The following KLHL15 variants were observed in gnomAD, a reference collection of about 807,000 sequenced individuals.
The protein encoded by KLHL15 is kelch like family member 15, also known as kelch-like protein 15.
In KLHL15, 1 loss-of-function variant was observed where a neutral mutation model predicts 29.3. That is an observed-to-expected ratio of 0.03 (90% CI 0.01 to 0.16). KLHL15 has a LOEUF of 0.16. KLHL15 is among the 10% of genes least tolerant of loss of function. The pLI is 1.00. For synonymous variants in KLHL15, 212 were observed against 184.5 expected, an observed-to-expected ratio of 1.15 and a Z score of -1.21; for missense variants, 215 against 478.5, an observed-to-expected ratio of 0.45 and a Z score of 5.14.
At chrX:23,991,516 A>G (rs1489937432) in intron 3 of KLHL15, among the ~76,000 whole-genome samples, 1 of 109,521 alleles carries the variant, frequency 9.1e-6, no homozygotes, top group Non-Finnish European at 1.9e-5. Context: ...CGAAACTCTT[A>G]TCTCCAAAAA....
chrX:24,018,774 G>A (rs1216532709), intron 2 of KLHL15, among the ~76,000 whole-genome samples: 1 of 111,215 alleles, frequency 9.0e-6, no homozygotes, highest in Non-Finnish European at 1.9e-5. Context: ...GGTAGAGGTG[G>A]GCTGATCACT....
At chrX:24,010,925 T>A (rs1391387381) in intron 2 of KLHL15, among the ~76,000 whole-genome samples, 2 of 110,753 alleles carry the variant, frequency 1.8e-5, no homozygotes, top group African/African-American at 6.6e-5. Flanking sequence ...GTGTTAGGTA[T>A]GGAGATGAGT....
chrX:23,986,138 C>A lies in KLHL15; in HGVS notation c.*1783G>T, dbSNP rs958020849. The A allele has an allele frequency of 9.1e-6, 1 of 110,033 alleles. No individual in the cohort carries two copies. The highest frequency in any genetic ancestry group is 1.9e-5 in the Non-Finnish European group (1 of 52,645). The allele number at this position is 110,033 out of a possible 1,213,427, so 9.1% of individuals were successfully genotyped here. A position where few individuals can be genotyped will look rare whatever the true frequency, so the allele number is the denominator to read the frequency against. ...TACTTATGTACCTGGTTTCTTAAAC[C>A]CAAATGCCTCCAATTCTGGAGTTTG... On this transcript the variant is annotated 3_prime_UTR_variant, in exon 4 of 4. Transcript: ENST00000328046.
At chrX:23,999,909 G>T (rs1306064929) in intron 3 of KLHL15, among the ~76,000 whole-genome samples, 3 of 112,097 alleles carry the variant, frequency 2.7e-5, no homozygotes, top group Non-Finnish European at 5.6e-5. Context: ...AAGTCCATGG[G>T]GTTGGGGAGG....
Position 23,985,398 on chromosome X carries a change from C to T in KLHL15, c.*2523G>A, listed in dbSNP as rs552037394. 2.7e-5 allele frequency: 3 copies of T among 111,003 alleles called. No homozygotes were observed. The highest frequency in any genetic ancestry group is 9.8e-5 in the African/African-American group (3 of 30,657). The allele number at this position is 111,003 out of a possible 1,213,427, so 9.1% of individuals were successfully genotyped here. On this transcript the variant is annotated 3_prime_UTR_variant, in exon 4 of 4. Coordinates refer to ENST00000328046, the MANE Select transcript of KLHL15 (RefSeq NM_030624.3). ...AATAAATCTCTTGCAGCAATAAAAC[C>T]ATAATTTTAAAAGGGAATGTAAGTT...
At position 23,988,669 on chromosome X, in the gene KLHL15, T is replaced by C; in HGVS notation, c.1067A>G (p.Gln356Arg). 8.3e-7 allele frequency: 1 copy of C among 1,211,795 alleles called. No individual in the cohort carries two copies. Among genetic ancestry groups the C allele is most frequent in the Non-Finnish European group, 1.1e-6 (1 of 895,571 alleles). Residue 356 changes from glutamine (Q) to arginine (R), a missense_variant, in exon 4 of 4, where the codon CAG becomes CGG. By Grantham distance (43) the Gln-to-Arg change is conservative. Coordinates refer to ENST00000328046, the MANE Select transcript of KLHL15 (RefSeq NM_030624.3). Reference sequence around the variant, plus strand: ...ATCTGCCATCTGCAGCCAGGAGTTCTGTCTCGGGTCATACCTGAATACTTT... The same window carrying C: ...ATCTGCCATCTGCAGCCAGGAGTTCCGTCTCGGGTCATACCTGAATACTTT... ...SSKVFRYDPRQNSWLQMADMS... is the reference protein window; with the variant it reads ...SSKVFRYDPRRNSWLQMADMS...
intron 3 of KLHL15, among the ~76,000 whole-genome samples, chrX:24,000,961 A>C (rs752711746): frequency 1.8e-5 from 2 of 112,501 alleles, no homozygotes; most frequent in East Asian, 5.6e-4. Flanking sequence ...ACATTTAAAA[A>C]TGTACCTCAA....
intron 1 of KLHL15, among the ~76,000 whole-genome samples, 198 bp from the exon 2 acceptor site, chrX:24,025,256 G>A (rs1288868963): frequency 9.0e-6 from 1 of 110,763 alleles, no homozygotes; most frequent in African/African-American, 3.3e-5. Context: ...AGCACCAGCC[G>A]AGGAAGCGTC....
intron 2 of KLHL15, among the ~76,000 whole-genome samples, chrX:24,008,877 A>AAAAC (rs200962315): frequency 3.1e-4 from 32 of 102,640 alleles, no homozygotes; most frequent in Middle Eastern, 4.5e-3. Flanking sequence ...GTTAGAAAAA[A>AAAAC]AAAAAACAAA....
At chrX:24,003,647 A>ATG (rs10693389) in intron 3 of KLHL15, among the ~76,000 whole-genome samples, 4,044 of 96,401 alleles carry the variant, frequency 0.042, 64 homozygotes, top group Non-Finnish European at 0.044. Context: ...GCATAAATAT[A>ATG]TGTGTGTGTG....
chrX:24,009,989 CAAAAAAAAAAA>C (rs767433599), intron 2 of KLHL15, among the ~76,000 whole-genome samples: 3 of 61,303 alleles, frequency 4.9e-5, no homozygotes, highest in African/African-American at 1.9e-4. Flanking sequence ...GACTCCATCT[CAAAAAAAAAAA>C]AAAAAAAAGA....
chrX:24,000,077 C>T (rs1929282080), intron 3 of KLHL15, among the ~76,000 whole-genome samples: 1 of 112,294 alleles, frequency 8.9e-6, no homozygotes, highest in South Asian at 3.6e-4. Context: ...ATTTCAAGTT[C>T]TAGCTGCATA....
intron 1 of KLHL15, among the ~76,000 whole-genome samples, chrX:24,025,782 G>C (rs1929921378): frequency 9.1e-6 from 1 of 109,941 alleles, no homozygotes; most frequent in Non-Finnish European, 1.9e-5. Flanking sequence ...CCGGCTGCCG[G>C]CCCGCCACGC....
chrX:23,995,717 G>T (rs931115929), intron 3 of KLHL15, among the ~76,000 whole-genome samples: 1 of 100,541 alleles, frequency 9.9e-6, no homozygotes, highest in Non-Finnish European at 2.0e-5. Context: ...GAGCCACCGT[G>T]CCCAGCCTAG....
intron 3 of KLHL15, among the ~76,000 whole-genome samples, chrX:23,995,623 A>C (rs904467656): frequency 1.8e-5 from 2 of 111,183 alleles, no homozygotes; most frequent in African/African-American, 6.5e-5. Context: ...AAGAATCTGA[A>C]TACCATGTGG....
intron 2 of KLHL15, among the ~76,000 whole-genome samples, chrX:24,007,891 T>C (rs765428114): frequency 1.2e-3 from 129 of 108,255 alleles, no homozygotes; most frequent in African/African-American, 4.1e-3. Flanking sequence ...GTCAACAGTT[T>C]ATTTTTACAA....
chrX:24,013,011 C>A (rs186485955), intron 2 of KLHL15, among the ~76,000 whole-genome samples: 62 of 111,816 alleles, frequency 5.5e-4, no homozygotes, highest in African/African-American at 1.8e-3. Context: ...AAAATATATT[C>A]TGGAAACTAA....
Position 24,025,190 on chromosome X carries a change from G to A in KLHL15, c.-209-132C>T, listed in dbSNP as rs1602022146. 1.1e-4 allele frequency: 30 copies of A among 283,297 alleles called. No homozygotes were observed. The East Asian group carries it at 1.5e-3, about 14-fold the overall frequency. 23.3% of individuals were successfully genotyped at this position (283,297 alleles called of 1,213,427 possible). The stretch of plus-strand genomic sequence containing the variant: ...AGCACCCGACGGGGCTCGGCGGGAG[G>A]GCCGACTGGGGCCGCGGGCGGGGAA... On this transcript the variant is annotated intron_variant, in intron 1 of 3. Transcript: ENST00000328046.
chrX:24,018,910 C>T (rs1400906360), intron 2 of KLHL15, among the ~76,000 whole-genome samples: 2 of 111,030 alleles, frequency 1.8e-5, no homozygotes, highest in African/African-American at 6.6e-5. Flanking sequence ...GGGTGAGGCA[C>T]GAGAATTGCT....
Sources: gnomAD v4.1 joint callset for allele counts (sites outside exome capture counted in the v4.1 genomes callset) on GRCh38, gnomAD v4.1.1 for gene constraint, MANE v1.5 for transcripts, NCBI Gene and HGNC (gene_info 2026-07-23, HGNC 2026-07-21) for gene names.